Variants in FUT8 observed in about 807,000 individuals in gnomAD.
The protein encoded by FUT8 is alpha-(1,6)-fucosyltransferase.
FUT8 carries 29 observed loss-of-function variants against 71.3 expected under a neutral mutation model. The ratio of observed to expected loss-of-function variants is 0.41; its 90% CI spans 0.30 to 0.55. The LOEUF is 0.55. Among genes scored for constraint, FUT8 ranks in the 20% least tolerant of loss-of-function variants. FUT8 has a pLI of 0.34. For synonymous variants in FUT8, 254 were observed against 239.3 expected (o/e 1.06, Z -0.57); for missense variants, 544 against 702.1 (o/e 0.77, Z 2.55).
chr14:65,490,623 A>G (rs1454002994), intron 2 of FUT8, among the ~76,000 whole-genome samples: 6 of 152,172 alleles, frequency 3.9e-5, no homozygotes. Flanking sequence ...AATTTGGCAA[A>G]TGTCTTAATT....
At chr14:65,619,927 T>C (rs184178469) in intron 5 of FUT8, among the ~76,000 whole-genome samples, 44 of 152,316 alleles carry the variant, frequency 2.9e-4, no homozygotes, top group African/African-American at 9.9e-4. Flanking sequence ...ACCATTTATC[T>C]TGTATTGTAG....
In FUT8 at chr14:65,603,862, C is replaced by T. The variant is rs1186550899; in HGVS notation, c.204-12116C>T. 6.6e-6 allele frequency among the ~76,000 whole-genome samples: 1 copy of T among 151,846 alleles called. No individual in the cohort carries two copies. Among genetic ancestry groups the T allele is most frequent in the East Asian group, 1.9e-4 (1 of 5,186 alleles). On this transcript the variant is annotated intron_variant, in intron 3 of 10. Transcript: ENST00000673929. The surrounding 1 kb of genome is among the most constrained non-coding windows in gnomAD (Gnocchi z 4.5). ...TCACAAACCAAGCATCTGCTGCCTT[C>T]ACCTAAAACATAAGGATTGACATAA...
At chr14:65,622,086 A>G (rs1187745744) in intron 5 of FUT8, among the ~76,000 whole-genome samples, 2 of 152,192 alleles carry the variant, frequency 1.3e-5, no homozygotes, top group Non-Finnish European at 2.9e-5. Context: ...AGCCTCTCAA[A>G]GTGCTGGGAT....
the FUT8 span, among the ~76,000 whole-genome samples, chr14:65,361,450 G>A: frequency 6.7e-6 from 1 of 148,632 alleles, no homozygotes; most frequent in Non-Finnish European, 1.5e-5. Context: ...CCTAAGTAAG[G>A]GCACTAACCT....
chr14:65,383,265 C>CTTTTTTTTCTTTTTTTTTTT, the FUT8 span, among the ~76,000 whole-genome samples: 15 of 86,494 alleles, frequency 1.7e-4, no homozygotes, highest in African/African-American at 4.9e-4. Flanking sequence ...TTTTTCTTTT[C>CTTTTTTTTCTTTTTTTTTTT]TTTTTTTTTT....
At chr14:65,539,145 T>G (rs574069210) in intron 2 of FUT8, among the ~76,000 whole-genome samples, 45 of 152,356 alleles carry the variant, frequency 3.0e-4, no homozygotes, top group African/African-American at 1.1e-3. Flanking sequence ...AAACTGCTTT[T>G]GTTTTTGTTC....
intron 2 of FUT8, among the ~76,000 whole-genome samples, chr14:65,517,573 A>C (rs1313777456): frequency 6.6e-6 from 1 of 152,188 alleles, no homozygotes; most frequent in East Asian, 1.9e-4. Context: ...TATTCCATTC[A>C]AGCATAGCAT....
At chr14:65,412,053 C>G (rs1475289503), upstream of FUT8, 1 of 456,760 alleles carries the variant, frequency 2.2e-6, no homozygotes, top group Non-Finnish European at 4.4e-6. Flanking sequence ...CTTTCCCGTA[C>G]TAAATAAACT....
At chr14:65,624,667 C>A (rs553832099) in intron 5 of FUT8, among the ~76,000 whole-genome samples, 1 of 152,340 alleles carries the variant, frequency 6.6e-6, no homozygotes, top group South Asian at 2.1e-4. Flanking sequence ...TGTGTAGTGA[C>A]ACATTTGACG....
intron 2 of FUT8, among the ~76,000 whole-genome samples, chr14:65,527,759 TAA>T (rs879305381): frequency 0.013 from 2,054 of 152,314 alleles, 40 homozygotes; most frequent in East Asian, 0.091. Context: ...GTTAGTTTTC[TAA>T]CTAACAGTCA....
rs1886643059 is a variant in FUT8 at position 65,574,327 on chromosome 14, C to A, written c.203+12561C>A. Among the ~76,000 whole-genome samples, 1 of 152,064 alleles carries A rather than the reference C, an allele frequency of 6.6e-6. No homozygotes were observed. The highest frequency in any genetic ancestry group is 2.1e-4 in the South Asian group (1 of 4,818). The stretch of plus-strand genomic sequence containing the variant: ...CTTTGCAATATTCTATTGATTAGAG[C>A]AAATCACAGGTCCCATTTACACTTG... On this transcript the variant is annotated intron_variant, in intron 3 of 10. Transcript: ENST00000673929. This position sits in a 1 kb window ranked among gnomAD's most constrained non-coding sequence, Gnocchi z 5.2.
chr14:65,608,898 T>C (rs1410927845), intron 3 of FUT8, among the ~76,000 whole-genome samples: 2 of 152,166 alleles, frequency 1.3e-5, no homozygotes, highest in East Asian at 3.9e-4. Context: ...TGTTCAAACA[T>C]TTATTTAAAT....
At chr14:65,709,548 TA>T (rs1276051994) in intron 7 of FUT8, among the ~76,000 whole-genome samples, 3 of 152,054 alleles carry the variant, frequency 2.0e-5, no homozygotes, top group Non-Finnish European at 4.4e-5. Flanking sequence ...GGGGGTAGGG[TA>T]GGGGTGAGAG....
At chr14:65,393,765 T>C in the FUT8 span, among the ~76,000 whole-genome samples, 1 of 152,118 alleles carries the variant, frequency 6.6e-6, no homozygotes, top group Non-Finnish European at 1.5e-5. Flanking sequence ...GGCATCTGTA[T>C]TAGTCTGTTC....
Position 65,691,715 on chromosome 14 carries a change from G to A in FUT8, c.835+22235G>A, listed in dbSNP as rs548111285. ...GTCAACAGATAAACAAGTGAACAAAGGTCTCTGGTTTTCCTAGGCAGAGGA... is the reference window on the plus strand; with the variant it reads ...GTCAACAGATAAACAAGTGAACAAAAGTCTCTGGTTTTCCTAGGCAGAGGA... On this transcript the variant is annotated intron_variant, in intron 7 of 10. Coordinates refer to ENST00000673929, the MANE Select transcript of FUT8 (RefSeq NM_001371533.1). Among the ~76,000 whole-genome samples, 7 of 151,966 alleles carry A rather than the reference G, an allele frequency of 4.6e-5. No homozygotes were observed. In the East Asian group the frequency reaches 1.4e-3, roughly 29 times the overall value.
chr14:65,688,694 G>T (rs2038844268), intron 7 of FUT8, among the ~76,000 whole-genome samples: 1 of 152,084 alleles, frequency 6.6e-6, no homozygotes, highest in African/African-American at 2.4e-5. Context: ...GTGTGAGTGG[G>T]CATACATTTT....
At chr14:65,641,738 T>C (rs1255183168) in intron 6 of FUT8, among the ~76,000 whole-genome samples, 3 of 139,572 alleles carry the variant, frequency 2.1e-5, no homozygotes, top group Non-Finnish European at 3.1e-5. Flanking sequence ...CATGGTTTTT[T>C]TTTGTGTGTA....
the FUT8 span, among the ~76,000 whole-genome samples, chr14:65,383,196 C>T: frequency 6.7e-6 from 1 of 150,336 alleles, no homozygotes; most frequent in Non-Finnish European, 1.5e-5. Flanking sequence ...GTAGAGAGAT[C>T]TTTCTGGAAC....
At chr14:65,703,882 A>G (rs933318062) in intron 7 of FUT8, among the ~76,000 whole-genome samples, 1 of 152,244 alleles carries the variant, frequency 6.6e-6, no homozygotes, top group African/African-American at 2.4e-5. Context: ...AAATTAAGCT[A>G]TACAGTGTTA....
Sources: gnomAD v4.1 joint callset for allele counts (sites outside exome capture counted in the v4.1 genomes callset) on GRCh38, gnomAD v4.1.1 for gene constraint, Gnocchi (gnomAD v3.1) non-coding constraint, MANE v1.5 for transcripts, NCBI Gene and HGNC (gene_info 2026-07-23, HGNC 2026-07-21) for gene names.